CERT1: variants seen among roughly 807,000 people sequenced by gnomAD.
The protein encoded by CERT1 is ceramide transporter 1.
In CERT1, 31 loss-of-function variants were observed where a neutral mutation model predicts 87.9. That is an observed-to-expected ratio of 0.35 (90% CI 0.27 to 0.48). The LOEUF is 0.48. CERT1 is among the 20% of genes least tolerant of loss of function. CERT1 has a pLI of 0.99. For synonymous variants in CERT1, 289 were observed against 250.9 expected (o/e 1.15, Z -1.44); for missense variants, 487 against 758.0 (o/e 0.64, Z 4.20).
intron 11 of CERT1, among the ~76,000 whole-genome samples, chr5:75,396,830 T>G (rs1178228776): frequency 6.6e-6 from 1 of 152,160 alleles, no homozygotes; most frequent in Non-Finnish European, 1.5e-5. Flanking sequence ...CTTATTTTGC[T>G]TAATACAAAA....
intron 8 of CERT1, among the ~76,000 whole-genome samples, chr5:75,407,095 T>C (rs1762737252): frequency 6.6e-6 from 1 of 152,114 alleles, no homozygotes; most frequent in Non-Finnish European, 1.5e-5. Flanking sequence ...ATCTAAAGAA[T>C]TGTATATTTA....
chr5:75,488,382 A>G (rs1766624729), intron 2 of CERT1, among the ~76,000 whole-genome samples: 1 of 152,088 alleles, frequency 6.6e-6, no homozygotes, highest in Non-Finnish European at 1.5e-5. Flanking sequence ...TCTTCTAAAC[A>G]ACAAAAATAG....
chr5:75,384,856 T>C (rs372628839), intron 13 of CERT1, 144 bp from the exon 14 acceptor site: 2 of 585,882 alleles, frequency 3.4e-6, no homozygotes, highest in Non-Finnish European at 3.0e-6. Context: ...AAATGGAAGG[T>C]AGCTAATACT....
chr5:75,511,857 G>A, upstream of CERT1: 2 of 1,536,342 alleles, frequency 1.3e-6, no homozygotes, highest in African/African-American at 1.4e-5. Context: ...TGGGAAGGGC[G>A]TTGGTCCGTC....
chr5:75,379,003 A>AC lies in CERT1; in HGVS notation c.*342dup, dbSNP rs1291739297. 5.8e-6 allele frequency: 1 copy of AC among 171,354 alleles called. No homozygotes were observed. The highest frequency in any genetic ancestry group is 1.2e-5 in the Non-Finnish European group (1 of 80,226). The allele number at this position is 171,354 out of a possible 1,614,324, so 10.6% of individuals were successfully genotyped here. ...AGACCAGCTTGGGTAACATAGCAAG[A>AC]CCCCTATCTCTACAAAAAATAAAAA... On this transcript the variant is annotated 3_prime_UTR_variant, in exon 17 of 17. Coordinates refer to ENST00000643780, the MANE Select transcript of CERT1 (RefSeq NM_001379029.1).
chr5:75,426,985 T>G (rs190330003), intron 3 of CERT1, among the ~76,000 whole-genome samples: 41 of 152,350 alleles, frequency 2.7e-4, no homozygotes, highest in African/African-American at 9.4e-4. Context: ...CATTTACCAT[T>G]CACAATAGTT....
chr5:75,463,968 T>G (rs1477555816), intron 2 of CERT1, among the ~76,000 whole-genome samples: 1 of 152,136 alleles, frequency 6.6e-6, no homozygotes, highest in African/African-American at 2.4e-5. Context: ...TTTTCAGTTC[T>G]TTGATACTAC....
intron 11 of CERT1, 23 bp downstream of exon 11, chr5:75,399,287 C>T (rs1762376039): frequency 1.3e-6 from 2 of 1,538,022 alleles, no homozygotes; most frequent in African/African-American, 1.4e-5. Context: ...GACTCAAGTC[C>T]ACTCTATACA....
At chr5:75,397,082 T>C (rs1261855085) in intron 11 of CERT1, among the ~76,000 whole-genome samples, 4 of 152,286 alleles carry the variant, frequency 2.6e-5, no homozygotes, top group Non-Finnish European at 4.4e-5. Flanking sequence ...ATCTTATCAA[T>C]TGGGAATTAG....
intron 2 of CERT1, 93 bp downstream of exon 2, chr5:75,505,889 A>C (rs1188330894): frequency 8.8e-6 from 8 of 913,910 alleles, no homozygotes; most frequent in African/African-American, 1.7e-5. Flanking sequence ...TCTTTATCTT[A>C]TCCACGGATG....
chr5:75,384,664 A>T lies in CERT1; in HGVS notation c.1466T>A (p.Ile489Asn). Residue 489 changes from isoleucine (I) to asparagine (N), a missense_variant, in exon 14 of 17, where the codon ATC becomes AAC. Physicochemically the swap from Ile to Asn is moderately radical, Grantham distance 149 (BLOSUM62 -3). This residue lies in a region of CERT1 where 147 missense variants were observed against 200.8 expected (regional missense o/e 0.73). Coordinates refer to ENST00000643780, the MANE Select transcript of CERT1 (RefSeq NM_001379029.1). ...TACCTTGTGTGTTTGATAAATGATG[A>T]TTGCATTATCAGCTAATGTTTCCAC... is the stretch of plus-strand genomic sequence containing the variant. ...HVVETLADNA[I>N]IIYQTHKRVW... 1 of 1,606,558 alleles carries T rather than the reference A, an allele frequency of 6.2e-7. No individual in the cohort carries two copies. Among genetic ancestry groups the T allele is most frequent in the South Asian group, 1.1e-5 (1 of 90,836 alleles).
chr5:75,511,273 G>A lies in CERT1; in HGVS notation c.-66C>T. The A allele has an allele frequency of 6.3e-7, 1 of 1,587,568 alleles. No homozygotes were observed. On this transcript the variant is annotated 5_prime_UTR_variant, in exon 1 of 17. Transcript: ENST00000643780. ...TCAGCTGCGCCGGAGGAGGCGCCCAGTCCTCGGGGTGAAGGGTCGGGGGAT... is the reference window on the plus strand; with the variant it reads ...TCAGCTGCGCCGGAGGAGGCGCCCAATCCTCGGGGTGAAGGGTCGGGGGAT...
chr5:75,388,616 A>C (rs1258088645), intron 12 of CERT1, among the ~76,000 whole-genome samples: 1 of 76,354 alleles, frequency 1.3e-5, no homozygotes, highest in Non-Finnish European at 2.3e-5. Context: ...ATATATATAT[A>C]TATATATATA....
intron 6 of CERT1, among the ~76,000 whole-genome samples, chr5:75,417,296 A>C (rs1311544711): frequency 1.3e-5 from 2 of 152,158 alleles, no homozygotes; most frequent in Non-Finnish European, 2.9e-5. Context: ...AATTAATCAA[A>C]TGGTAGGAGG....
rs1767997793 is a variant in CERT1 at position 75,511,472 on chromosome 5, G to C, written c.-265C>G. 6.6e-7 allele frequency: 1 copy of C among 1,511,624 alleles called. No homozygotes were observed. The allele number at this position is 1,511,624 out of a possible 1,614,324, so 93.6% of individuals were successfully genotyped here. A position where few individuals can be genotyped will look rare whatever the true frequency, so the allele number is the denominator to read the frequency against. On this transcript the variant is annotated 5_prime_UTR_variant, in exon 1 of 17. Coordinates refer to ENST00000643780, the MANE Select transcript of CERT1 (RefSeq NM_001379029.1). Reference sequence around the variant, plus strand: ...CCGCCGCCGTCGCCGTGACCCCTGCGTTGCGCCCGGCGCTGCCACCCGAAC... The same window carrying C: ...CCGCCGCCGTCGCCGTGACCCCTGCCTTGCGCCCGGCGCTGCCACCCGAAC...
chr5:75,411,868 C>T (rs978871631), intron 7 of CERT1, among the ~76,000 whole-genome samples: 3 of 152,142 alleles, frequency 2.0e-5, no homozygotes, highest in Admixed American at 2.0e-4. Context: ...TCAATGAATG[C>T]TAAAAAGATA....
At chr5:75,503,822 A>T (rs912179234) in intron 2 of CERT1, among the ~76,000 whole-genome samples, 1 of 96,220 alleles carries the variant, frequency 1.0e-5, no homozygotes, top group African/African-American at 3.9e-5. Context: ...GATGGATATA[A>T]ATGTTAAAAT....
intron 11 of CERT1, among the ~76,000 whole-genome samples, chr5:75,392,146 T>C (rs1443579803): frequency 6.6e-6 from 1 of 152,216 alleles, no homozygotes; most frequent in Non-Finnish European, 1.5e-5. Flanking sequence ...TATAAACGCG[T>C]AGTAGGTAGC....
At chr5:75,395,529 T>G (rs1762210187) in intron 11 of CERT1, among the ~76,000 whole-genome samples, 1 of 119,864 alleles carries the variant, frequency 8.3e-6, no homozygotes, top group Admixed American at 1.2e-4. Context: ...GCACTTGGCC[T>G]GGACAAGTGA....
Sources: allele counts gnomAD v4.1 joint callset (sites outside exome capture counted in the v4.1 genomes callset), GRCh38; gene constraint gnomAD v4.1.1; regional missense constraint gnomAD v4.1.1; transcripts MANE v1.5; gene names NCBI Gene and HGNC (gene_info 2026-07-23, HGNC 2026-07-21).